GFRA1: variants seen among roughly 807,000 people sequenced by gnomAD.
GFRA1 encodes GDNF family receptor alpha-1.
A neutral mutation model predicts 51.6 loss-of-function variants in GFRA1; 16 were observed. The ratio of observed to expected loss-of-function variants is 0.31; its 90% CI spans 0.21 to 0.47. GFRA1 has a LOEUF of 0.47. GFRA1 is among the 20% of genes least tolerant of loss of function. The probability of loss-of-function intolerance (pLI) is 1.00; values close to 1 mark genes in which losing one functional copy is unlikely to be tolerated. For missense variants in GFRA1, 530 were observed against 594.3 expected (o/e 0.89, Z 1.13); for synonymous variants, 270 against 241.3 (o/e 1.12, Z -1.10).
At chr10:116,136,212 A>C (rs972178621) in intron 5 of GFRA1, among the ~76,000 whole-genome samples, 1 of 152,220 alleles carries the variant, frequency 6.6e-6, no homozygotes, top group African/African-American at 2.4e-5. Flanking sequence ...TCTGATTTTC[A>C]TTAATTAAAG....
intron 5 of GFRA1, among the ~76,000 whole-genome samples, chr10:116,149,825 A>G (rs540281877): frequency 6.6e-6 from 1 of 152,270 alleles, no homozygotes; most frequent in East Asian, 1.9e-4. Context: ...TCAAACCATT[A>G]TGATTAAAAA....
chr10:116,109,694 T>C (rs568272873), intron 6 of GFRA1, among the ~76,000 whole-genome samples: 25 of 152,212 alleles, frequency 1.6e-4, no homozygotes, highest in African/African-American at 6.0e-4. Flanking sequence ...GCAGCCTTCC[T>C]TCACCGCAGG....
chr10:116,100,629 C>A (rs982924593), intron 6 of GFRA1, among the ~76,000 whole-genome samples: 2 of 152,098 alleles, frequency 1.3e-5, no homozygotes, highest in African/African-American at 4.8e-5. Flanking sequence ...GATTTTAAAC[C>A]CGAGAAGTAA....
chr10:116,089,455 C>G (rs1956236534), intron 9 of GFRA1, among the ~76,000 whole-genome samples: 1 of 152,142 alleles, frequency 6.6e-6, no homozygotes, highest in Non-Finnish European at 1.5e-5. Context: ...CAGAAAACTT[C>G]AGAGATGCAT....
At chr10:116,105,242 A>G (rs968301086) in intron 6 of GFRA1, among the ~76,000 whole-genome samples, 2 of 152,214 alleles carry the variant, frequency 1.3e-5, no homozygotes, top group Admixed American at 6.5e-5. Context: ...ACCTTATCCA[A>G]TAAGTCTTTT....
At chr10:116,175,515 C>T (rs751043258) in intron 5 of GFRA1, among the ~76,000 whole-genome samples, 2 of 152,178 alleles carry the variant, frequency 1.3e-5, no homozygotes, top group African/African-American at 4.8e-5. Context: ...ATTTTATGCT[C>T]GTTACAATCC....
At chr10:116,179,255 A>G (rs1442421220) in intron 5 of GFRA1, among the ~76,000 whole-genome samples, 1 of 152,234 alleles carries the variant, frequency 6.6e-6, no homozygotes, top group Non-Finnish European at 1.5e-5. Context: ...AAGTCTTCAT[A>G]CAAACCCTAC....
intron 4 of GFRA1, among the ~76,000 whole-genome samples, chr10:116,230,505 G>A (rs1966608388): frequency 6.6e-6 from 1 of 152,176 alleles, no homozygotes; most frequent in African/African-American, 2.4e-5. Flanking sequence ...CTACAGGGAA[G>A]ACACACACAT....
chr10:116,096,835 T>C, intron 6 of GFRA1, 71 bp from the exon 7 acceptor site: 1 of 810,690 alleles, frequency 1.2e-6, no homozygotes, highest in East Asian at 2.6e-5. Flanking sequence ...GACAGACATG[T>C]TTTCTTTATT....
intron 5 of GFRA1, among the ~76,000 whole-genome samples, chr10:116,131,904 GA>G (rs71010066): frequency 0.25 from 25,215 of 99,968 alleles, 1,830 homozygotes; most frequent in Middle Eastern, 0.32. Context: ...ATCTCAAAAG[GA>G]AAAAAAAAAA....
intron 5 of GFRA1, among the ~76,000 whole-genome samples, chr10:116,173,491 T>G (rs568366603): frequency 2.0e-5 from 3 of 152,200 alleles, no homozygotes; most frequent in Non-Finnish European, 2.9e-5. Flanking sequence ...CTACACAACA[T>G]TGCCTCTGGC....
At chr10:116,194,066 T>TAAAAAAAAAAAAAA (rs1051845471) in intron 5 of GFRA1, among the ~76,000 whole-genome samples, 5 of 26,988 alleles carry the variant, frequency 1.9e-4, no homozygotes, top group Non-Finnish European at 3.5e-4. Flanking sequence ...AAATAAAATT[T>TAAAAAAAAAAAAAA]AAAAAAAAAA....
intron 5 of GFRA1, among the ~76,000 whole-genome samples, chr10:116,177,697 A>G (rs1475777339): frequency 2.6e-5 from 4 of 151,602 alleles, no homozygotes; most frequent in African/African-American, 9.7e-5. Flanking sequence ...CACATGCAGA[A>G]GAAACGTAAA....
rs545346777 is a variant in GFRA1 at position 116,189,364 on chromosome 10, T to C, written c.433+22267A>G. On this transcript the variant is annotated intron_variant, in intron 5 of 10. Transcript: ENST00000355422. ...CAACACGTCCTGTTTACCCAAGGAG[T>C]AACGTCCCCTGAGCCCCAGCATGCT... 5.3e-5 allele frequency among the ~76,000 whole-genome samples: 8 copies of C among 152,154 alleles called. No homozygotes were observed. The East Asian group carries it at 1.6e-3, about 30-fold the overall frequency.
intron 9 of GFRA1, among the ~76,000 whole-genome samples, chr10:116,087,820 C>T (rs557355365): frequency 2.0e-5 from 3 of 152,284 alleles, no homozygotes; most frequent in South Asian, 2.1e-4. Context: ...TCTAGGCCTG[C>T]TTTCAACTCG....
At chr10:116,256,394 G>C (rs774192718) in intron 4 of GFRA1, among the ~76,000 whole-genome samples, 19 of 152,106 alleles carry the variant, frequency 1.2e-4, no homozygotes, top group Non-Finnish European at 2.6e-4. Context: ...TCCTGCCCTG[G>C]GAACATGTTG....
chr10:116,195,857 C>A (rs1343144910), intron 5 of GFRA1, among the ~76,000 whole-genome samples: 1 of 152,218 alleles, frequency 6.6e-6, no homozygotes, highest in Non-Finnish European at 1.5e-5. Context: ...AATCTTGACT[C>A]TGTCCCCGTT....
At chr10:116,130,834 G>A (rs1958075667) in intron 5 of GFRA1, among the ~76,000 whole-genome samples, 1 of 152,002 alleles carries the variant, frequency 6.6e-6, no homozygotes, top group South Asian at 2.1e-4. Flanking sequence ...GCTTTTAGAA[G>A]AAACATAAGA....
chr10:116,222,907 A>C (rs1480361116), intron 4 of GFRA1, among the ~76,000 whole-genome samples: 1 of 152,252 alleles, frequency 6.6e-6, no homozygotes, highest in Non-Finnish European at 1.5e-5. Flanking sequence ...ATACAAACTA[A>C]AAACAATAAA....
Sources: allele counts gnomAD v4.1 joint callset (sites outside exome capture counted in the v4.1 genomes callset), GRCh38; gene constraint gnomAD v4.1.1; transcripts MANE v1.5; gene names NCBI Gene and HGNC (gene_info 2026-07-23, HGNC 2026-07-21).